The following CTNND2 variants were observed in gnomAD, a reference collection of about 807,000 sequenced individuals.
The protein encoded by CTNND2 is catenin delta-2.
CTNND2 carries 22 observed loss-of-function variants against 144.4 expected under a neutral mutation model. The ratio of observed to expected loss-of-function variants is 0.15; its 90% CI spans 0.11 to 0.22. CTNND2 has a LOEUF of 0.22. Among genes scored for constraint, CTNND2 ranks in the 10% least tolerant of loss-of-function variants. The probability of loss-of-function intolerance (pLI) is 1.00; values close to 1 mark genes in which losing one functional copy is unlikely to be tolerated. For missense variants in CTNND2, 1,353 were observed against 1,618.8 expected (o/e 0.84, Z 2.82); for synonymous variants, 751 against 695.6 (o/e 1.08, Z -1.25).
intron 12 of CTNND2, among the ~76,000 whole-genome samples, chr5:11,142,706 C>T (rs1407774770): frequency 9.9e-5 from 15 of 151,312 alleles, no homozygotes; most frequent in East Asian, 1.9e-4. Context: ...CTCCGCCTCC[C>T]GGGTTCACGC....
chr5:11,501,810 C>T (rs941083502), intron 3 of CTNND2, among the ~76,000 whole-genome samples: 1 of 151,660 alleles, frequency 6.6e-6, no homozygotes, highest in Non-Finnish European at 1.5e-5. Flanking sequence ...AGATTGAGAC[C>T]ATCCTGGCTA....
At position 11,343,226 on chromosome 5, in the gene CTNND2, A is replaced by G. The variant is rs182235470; in HGVS notation, c.1628+3146T>C. Reference sequence around the variant, plus strand: ...TATGACTTAGAGTCACAGAAAGTCAATATGGCTTCTCTGGTTTCAAGTCTA... The same window carrying G: ...TATGACTTAGAGTCACAGAAAGTCAGTATGGCTTCTCTGGTTTCAAGTCTA... On this transcript the variant is annotated intron_variant, in intron 9 of 21. Coordinates refer to ENST00000304623, the MANE Select transcript of CTNND2 (RefSeq NM_001332.4). Among the ~76,000 whole-genome samples, 22 of 152,344 alleles carry G rather than the reference A, an allele frequency of 1.4e-4. No homozygotes were observed. The East Asian group carries it at 4.1e-3, about 28-fold the overall frequency.
chr5:11,261,716 G>C (rs1166240476), intron 9 of CTNND2, among the ~76,000 whole-genome samples: 1 of 152,174 alleles, frequency 6.6e-6, no homozygotes, highest in East Asian at 1.9e-4. Context: ...TCTAACCTAA[G>C]TTAGAATACT....
At chr5:11,183,257 C>T (rs964010024) in intron 11 of CTNND2, among the ~76,000 whole-genome samples, 8 of 152,180 alleles carry the variant, frequency 5.3e-5, no homozygotes, top group Admixed American at 5.2e-4. Context: ...ATGTTCATCT[C>T]ATAACTACAA....
chr5:11,406,180 G>A (rs946360075), intron 5 of CTNND2, among the ~76,000 whole-genome samples: 1 of 152,086 alleles, frequency 6.6e-6, no homozygotes, highest in African/African-American at 2.4e-5. Flanking sequence ...CTGGACCAAA[G>A]AGCATATGAT....
intron 1 of CTNND2, among the ~76,000 whole-genome samples, chr5:11,850,037 C>G (rs1794942305): frequency 6.6e-6 from 1 of 152,090 alleles, no homozygotes; most frequent in African/African-American, 2.4e-5. Context: ...TGTAACAAAC[C>G]TGCACGTTCT....
At chr5:11,614,037 T>G (rs1780462579) in intron 2 of CTNND2, among the ~76,000 whole-genome samples, 1 of 152,226 alleles carries the variant, frequency 6.6e-6, no homozygotes, top group African/African-American at 2.4e-5. Flanking sequence ...TGAAAAAGTT[T>G]GAATACTTTC....
intron 2 of CTNND2, among the ~76,000 whole-genome samples, chr5:11,691,628 T>C (rs1167118109): frequency 6.6e-6 from 1 of 151,812 alleles, no homozygotes; most frequent in African/African-American, 2.4e-5. Flanking sequence ...AAGAAGCAAG[T>C]TGGGGTGGCT....
At chr5:11,799,590 A>C (rs1791572798) in intron 1 of CTNND2, among the ~76,000 whole-genome samples, 1 of 152,104 alleles carries the variant, frequency 6.6e-6, no homozygotes, top group Admixed American at 6.6e-5. Flanking sequence ...TTTTTTGTGG[A>C]ATTTAATAGG....
At position 10,997,550 on chromosome 5, in the gene CTNND2, C is replaced by T. The variant is rs866361196; in HGVS notation, c.3085-4873G>A. 3.3e-5 allele frequency among the ~76,000 whole-genome samples: 5 copies of T among 150,828 alleles called. No homozygotes were observed. The South Asian group carries it at 1.0e-3, about 32-fold the overall frequency. ...GAGATTGCAGTGAGCTGAGATCACA[C>T]CACTGCACTCCAGCCTGGCAACAGA... On this transcript the variant is annotated intron_variant, in intron 18 of 21. Transcript: ENST00000304623.
At chr5:11,366,662 G>C (rs1321767200) in intron 7 of CTNND2, among the ~76,000 whole-genome samples, 2 of 128,652 alleles carry the variant, frequency 1.6e-5, no homozygotes, top group Non-Finnish European at 3.2e-5. Flanking sequence ...TATTGCTAAG[G>C]ATTTAAAAAT....
chr5:11,875,024 T>C (rs1200084841), intron 1 of CTNND2, among the ~76,000 whole-genome samples: 1 of 152,216 alleles, frequency 6.6e-6, no homozygotes, highest in Non-Finnish European at 1.5e-5. Flanking sequence ...TTTGCCCATG[T>C]AGAAAACAAA....
At position 10,988,335 on chromosome 5, in the gene CTNND2, C is replaced by G; in HGVS notation, c.3212-93G>C. 6.7e-7 allele frequency: 1 copy of G among 1,482,198 alleles called. No homozygotes were observed. The highest frequency in any genetic ancestry group is 9.3e-7 in the Non-Finnish European group (1 of 1,079,998). The allele number at this position is 1,482,198 out of a possible 1,614,324, so 91.8% of individuals were successfully genotyped here. On this transcript the variant is annotated intron_variant, in intron 19 of 21. Transcript: ENST00000304623. This position sits in a 1 kb window ranked among gnomAD's most constrained non-coding sequence, Gnocchi z 5.9. ...TCAGGGTCCTCACTATGCATGGTCC[C>G]GCATCTCAATGCCTACGTGAGGACC...
chr5:11,660,949 A>G (rs987093707), intron 2 of CTNND2, among the ~76,000 whole-genome samples: 2 of 152,176 alleles, frequency 1.3e-5, no homozygotes, highest in African/African-American at 4.8e-5. Context: ...GTGAGAGTTG[A>G]AAATGTGGCT....
At chr5:11,412,706 A>G (rs1224429911) in intron 3 of CTNND2, among the ~76,000 whole-genome samples, 2 of 152,168 alleles carry the variant, frequency 1.3e-5, no homozygotes, top group East Asian at 3.8e-4. Context: ...TTTATTTTGA[A>G]TGACTTATTA....
At chr5:11,566,280 T>C (rs1026868991) in intron 2 of CTNND2, among the ~76,000 whole-genome samples, 3 of 152,314 alleles carry the variant, frequency 2.0e-5, no homozygotes, top group Admixed American at 2.0e-4. Flanking sequence ...AGGGAACATT[T>C]TGTTTTTTAA....
chr5:11,546,075 T>C (rs1775211664), intron 3 of CTNND2, among the ~76,000 whole-genome samples: 1 of 152,160 alleles, frequency 6.6e-6, no homozygotes. Context: ...AGATCACATA[T>C]GGTATGATTC....
intron 3 of CTNND2, among the ~76,000 whole-genome samples, chr5:11,442,028 T>C (rs975285815): frequency 5.3e-5 from 8 of 152,192 alleles, no homozygotes; most frequent in African/African-American, 1.7e-4. Flanking sequence ...TTCTTTTTAT[T>C]ACTTCCTAAC....
intron 12 of CTNND2, among the ~76,000 whole-genome samples, chr5:11,126,774 T>C (rs1227498219): frequency 6.6e-6 from 1 of 152,228 alleles, no homozygotes; most frequent in African/African-American, 2.4e-5. Context: ...TAGTAAAATA[T>C]TTCCTTAAGT....
Sources: allele counts gnomAD v4.1 joint callset (sites outside exome capture counted in the v4.1 genomes callset), GRCh38; gene constraint gnomAD v4.1.1; non-coding constraint Gnocchi (gnomAD v3.1); transcripts MANE v1.5; gene names NCBI Gene and HGNC (gene_info 2026-07-23, HGNC 2026-07-21).